Variants in MAPK10 observed in about 807,000 individuals in gnomAD.
The protein encoded by MAPK10 is mitogen-activated protein kinase 10.
A neutral mutation model predicts 59.3 loss-of-function variants in MAPK10; 25 were observed. The ratio of observed to expected loss-of-function variants is 0.42; its 90% confidence interval spans 0.31 to 0.59. MAPK10 has a LOEUF of 0.59. Ranked by LOEUF, MAPK10 falls within the 20% of genes least tolerant of loss-of-function variation. MAPK10 has a pLI of 0.15. For missense variants in MAPK10, 351 were observed against 568.9 expected (o/e 0.62, Z 3.90); for synonymous variants, 190 against 200.5 (o/e 0.95, Z 0.44).
At chr4:86,108,790 T>C (rs1244225914) in intron 4 of MAPK10, among the ~76,000 whole-genome samples, 1 of 152,166 alleles carries the variant, frequency 6.6e-6, no homozygotes, top group Non-Finnish European at 1.5e-5. Flanking sequence ...CAAAATAAAA[T>C]GTTTCCTTTC....
chr4:86,433,555 CTTTTTTTT>C (rs574706672), intron 1 of MAPK10, among the ~76,000 whole-genome samples: 36 of 97,608 alleles, frequency 3.7e-4, no homozygotes, highest in East Asian at 1.3e-3. Context: ...GGGCCTTCTT[CTTTTTTTT>C]TTTTTTTTTT....
rs191796365 is a variant in MAPK10, at chr4:86,584,897, C to A, written c.-263+9013G>T. On this transcript the variant is annotated intron_variant, in intron 1 of 4. Transcript: ENST00000502302. ...AAGCTTGAAGCTGCTATTGAGAAGA[C>A]TTTTATCCAATAAAAGTCTTGGATT... Among the ~76,000 whole-genome samples, 19 of 152,206 alleles carry A rather than the reference C, an allele frequency of 1.2e-4. No individual in the cohort carries two copies. The East Asian group carries it at 3.7e-3, about 29-fold the overall frequency.
At chr4:86,334,083 G>A (rs922960890) in intron 2 of MAPK10, among the ~76,000 whole-genome samples, 1 of 152,078 alleles carries the variant, frequency 6.6e-6, no homozygotes, top group Non-Finnish European at 1.5e-5. Context: ...CTGCCTGCTG[G>A]ATATTTCAAA....
At chr4:86,061,122 T>C (rs1305336047) in intron 11 of MAPK10, among the ~76,000 whole-genome samples, 4 of 152,202 alleles carry the variant, frequency 2.6e-5, no homozygotes, top group Admixed American at 6.6e-5. Flanking sequence ...TTTCTTAGTT[T>C]AGAAAACTGA....
chr4:86,126,264 C>G (rs2060057959), intron 4 of MAPK10, among the ~76,000 whole-genome samples: 1 of 152,022 alleles, frequency 6.6e-6, no homozygotes. Flanking sequence ...TTTATCTTTT[C>G]TTGTTTTACT....
upstream of MAPK10, among the ~76,000 whole-genome samples, chr4:86,362,751 T>G (rs1347037185): frequency 2.0e-5 from 3 of 152,176 alleles, no homozygotes; most frequent in African/African-American, 7.2e-5. Context: ...AGATACCATT[T>G]CATGCCCACA....
Position 86,169,385 on chromosome 4 carries a change from G to C in MAPK10, c.67-9918C>G, listed in dbSNP as rs1000451913. Among the ~76,000 whole-genome samples the C allele has an allele frequency of 2.6e-5, 4 of 152,318 alleles. No homozygotes were observed. The South Asian group carries it at 8.3e-4, about 32-fold the overall frequency. ...AGTGCTTAAAGGAGTGGATGGAGCT[G>C]AAAGCCAAGGCTCCAGAACTACGTG... On this transcript the variant is annotated intron_variant, in intron 3 of 13. Transcript: ENST00000641462.
intron 1 of MAPK10, among the ~76,000 whole-genome samples, chr4:86,372,064 A>T (rs1188564791): frequency 6.6e-6 from 1 of 152,144 alleles, no homozygotes; most frequent in East Asian, 1.9e-4. Context: ...TCCACCCCCA[A>T]ATCAAAAGAA....
chr4:86,231,807 C>T (rs1341116017), intron 2 of MAPK10, among the ~76,000 whole-genome samples: 2 of 152,002 alleles, frequency 1.3e-5, no homozygotes, highest in African/African-American at 4.8e-5. Context: ...TGCACAGGGC[C>T]TTATGTAAAA....
At chr4:86,223,436 C>T (rs2090032831) in intron 2 of MAPK10, among the ~76,000 whole-genome samples, 1 of 152,226 alleles carries the variant, frequency 6.6e-6, no homozygotes, top group African/African-American at 2.4e-5. Context: ...ACCATTAGAA[C>T]AGCATTGCTG....
At position 86,470,721 on chromosome 4, in the gene MAPK10, A is replaced by G. The variant is rs549820366; in HGVS notation, c.-262-116077T>C. 5.0e-4 allele frequency among the ~76,000 whole-genome samples: 76 copies of G among 151,652 alleles called. No homozygotes were observed. In the East Asian group the frequency reaches 7.1e-3, roughly 14 times the overall value. ...ATTCATAACTGTTTAATACCAAGGG[A>G]AAGAATTGAATGTTAGGTGAATGTA... On this transcript the variant is annotated intron_variant, in intron 1 of 4. Coordinates refer to the MAPK10 transcript ENST00000502302.
chr4:86,105,846 C>A (rs1393595116), intron 5 of MAPK10, among the ~76,000 whole-genome samples: 3 of 151,994 alleles, frequency 2.0e-5, no homozygotes, highest in African/African-American at 7.2e-5. Flanking sequence ...CTTGGTGAGG[C>A]CTTTGCTGCT....
intron 1 of MAPK10, among the ~76,000 whole-genome samples, chr4:86,561,652 A>G (rs1760690923): frequency 6.6e-6 from 1 of 152,232 alleles, no homozygotes; most frequent in African/African-American, 2.4e-5. Flanking sequence ...GTGATTGAGT[A>G]ATAGTCTAAT....
At chr4:86,435,928 C>T (rs1309985163) in intron 1 of MAPK10, among the ~76,000 whole-genome samples, 1 of 152,176 alleles carries the variant, frequency 6.6e-6, no homozygotes, top group African/African-American at 2.4e-5. Context: ...TATATTAAAT[C>T]ATATCAAAGT....
chr4:86,174,688 G>A (rs1415507167), intron 3 of MAPK10, among the ~76,000 whole-genome samples: 8 of 152,108 alleles, frequency 5.3e-5, no homozygotes, highest in Admixed American at 5.2e-4. Context: ...TGCATCACAG[G>A]ATGACTAAAC....
intron 9 of MAPK10, among the ~76,000 whole-genome samples, chr4:86,070,785 C>T (rs1221524075): frequency 6.6e-6 from 1 of 151,670 alleles, no homozygotes; most frequent in African/African-American, 2.4e-5. Flanking sequence ...TTAATCCAGT[C>T]TATCATTGTT....
chr4:86,260,550 C>T (rs914736845), intron 2 of MAPK10, among the ~76,000 whole-genome samples: 1 of 152,036 alleles, frequency 6.6e-6, no homozygotes, highest in African/African-American at 2.4e-5. Context: ...CATTGAAGTT[C>T]AAGGGAGAGT....
At chr4:86,585,159 T>TA (rs1762575177) in intron 1 of MAPK10, among the ~76,000 whole-genome samples, 1 of 152,178 alleles carries the variant, frequency 6.6e-6, no homozygotes. Flanking sequence ...AGGTTCATAT[T>TA]AATGGTATAC....
At chr4:86,504,870 A>C (rs1360732442) in intron 1 of MAPK10, among the ~76,000 whole-genome samples, 1 of 152,164 alleles carries the variant, frequency 6.6e-6, no homozygotes, top group African/African-American at 2.4e-5. Context: ...TACAAGATTC[A>C]TGTGCTAGAA....
Sources: gnomAD v4.1 joint callset for allele counts (sites outside exome capture counted in the v4.1 genomes callset) on GRCh38, gnomAD v4.1.1 for gene constraint, MANE v1.5 for transcripts, NCBI Gene and HGNC (gene_info 2026-07-23, HGNC 2026-07-21) for gene names.